RANBP2: variants seen among roughly 807,000 people sequenced by gnomAD.
RANBP2 encodes the protein RAN binding protein 2, also known as E3 SUMO-protein ligase RanBP2.
A neutral mutation model predicts 303.6 loss-of-function variants in RANBP2; 57 were observed. That is an observed-to-expected ratio of 0.19 (90% CI 0.15 to 0.23). The LOEUF is 0.23. Ranked by LOEUF, RANBP2 falls within the 10% of genes least tolerant of loss-of-function variation. The pLI is 1.00. For synonymous variants in RANBP2, 1,167 were observed against 1,301.5 expected, an observed-to-expected ratio of 0.90 and a Z score of 2.23; for missense variants, 3,138 against 3,780.8, an observed-to-expected ratio of 0.83 and a Z score of 4.46.
the RANBP2 span, among the ~76,000 whole-genome samples, chr2:109,091,636 C>T: frequency 6.6e-6 from 1 of 152,204 alleles, no homozygotes; most frequent in Non-Finnish European, 1.5e-5. Flanking sequence ...GCCCCTGTGG[C>T]TACCTGCCCA....
chr2:109,152,349 A>C, the RANBP2 span, among the ~76,000 whole-genome samples: 2 of 152,182 alleles, frequency 1.3e-5, no homozygotes, highest in South Asian at 2.1e-4. Context: ...TCCCTGGTGC[A>C]TTTGGCAAAT....
At chr2:108,941,583 G>A in the RANBP2 span, among the ~76,000 whole-genome samples, 113 of 152,324 alleles carry the variant, frequency 7.4e-4, no homozygotes, top group East Asian at 0.012. Flanking sequence ...TGGGGGCATG[G>A]CCAACAGGGA....
chr2:109,521,229 A>G, the RANBP2 span, among the ~76,000 whole-genome samples: 1 of 152,154 alleles, frequency 6.6e-6, no homozygotes, highest in East Asian at 1.9e-4. Flanking sequence ...AAAAAAAAAA[A>G]AAGAATTATG....
the RANBP2 span, among the ~76,000 whole-genome samples, chr2:109,164,924 C>T: frequency 2.0e-5 from 3 of 152,210 alleles, no homozygotes; most frequent in African/African-American, 7.2e-5. Context: ...ACAACTGGAC[C>T]ATTGCAAATA....
At chr2:109,735,809 CTCAGTGAAGTTTGAAACTCTGCCT>C in the RANBP2 span, among the ~76,000 whole-genome samples, 17 of 152,094 alleles carry the variant, frequency 1.1e-4, no homozygotes, top group Non-Finnish European at 1.9e-4. Context: ...CAACTGATGC[CTCAGTGAAGTTTGAAACTCTGCCT>C]TCAGTGAAGG....
chr2:109,092,561 T>A, the RANBP2 span, among the ~76,000 whole-genome samples: 2 of 152,224 alleles, frequency 1.3e-5, no homozygotes, highest in Non-Finnish European at 2.9e-5. Context: ...AAGGGTGATT[T>A]TCTTTTGTAA....
chr2:108,858,186 A>C, the RANBP2 span, among the ~76,000 whole-genome samples: 1 of 152,206 alleles, frequency 6.6e-6, no homozygotes, highest in South Asian at 2.1e-4. Flanking sequence ...TGTACTAAAA[A>C]TATAAAAATT....
At chr2:109,232,683 C>G in the RANBP2 span, among the ~76,000 whole-genome samples, 1 of 152,068 alleles carries the variant, frequency 6.6e-6, no homozygotes, top group Non-Finnish European at 1.5e-5. Flanking sequence ...GTGGGATCAT[C>G]CAAAGCAAAG....
chr2:109,139,466 C>T, the RANBP2 span, among the ~76,000 whole-genome samples: 1 of 152,208 alleles, frequency 6.6e-6, no homozygotes, highest in Non-Finnish European at 1.5e-5. Context: ...CTCTTGTATC[C>T]TGAGCGGCAT....
At chr2:109,470,631 G>C in the RANBP2 span, among the ~76,000 whole-genome samples, 1 of 152,230 alleles carries the variant, frequency 6.6e-6, no homozygotes, top group Non-Finnish European at 1.5e-5. Context: ...CCCTGGACTG[G>C]CTCTGACAGT....
the RANBP2 span, among the ~76,000 whole-genome samples, chr2:109,300,970 C>T: frequency 9.2e-3 from 1,402 of 152,312 alleles, 28 homozygotes; most frequent in African/African-American, 0.032. Flanking sequence ...ATGCTGGTGC[C>T]GACTAGCCTT....
the RANBP2 span, among the ~76,000 whole-genome samples, chr2:109,112,344 ATC>A: frequency 1.3e-5 from 2 of 151,664 alleles, no homozygotes; most frequent in African/African-American, 4.8e-5. Flanking sequence ...GTGAGATGGT[ATC>A]TCATTGTGGT....
At chr2:109,489,982 C>T in the RANBP2 span, among the ~76,000 whole-genome samples, 1 of 152,212 alleles carries the variant, frequency 6.6e-6, no homozygotes, top group Non-Finnish European at 1.5e-5. Flanking sequence ...AAGTGATCTG[C>T]CCACCTTGGC....
chr2:109,565,601 GAGGCTCTACACGGCCTCCAGACTT>G, the RANBP2 span, among the ~76,000 whole-genome samples: 1 of 152,004 alleles, frequency 6.6e-6, no homozygotes, highest in Non-Finnish European at 1.5e-5. Context: ...TGAGAAGTGG[GAGGCTCTACACGGCCTCCAGACTT>G]TGGCTAAAAT....
chr2:109,350,628 C>T, the RANBP2 span, among the ~76,000 whole-genome samples: 1 of 152,240 alleles, frequency 6.6e-6, no homozygotes. Flanking sequence ...ACATGGGCAA[C>T]TCCATGTGAC....
chr2:109,103,355 T>C, the RANBP2 span, among the ~76,000 whole-genome samples: 1 of 152,254 alleles, frequency 6.6e-6, no homozygotes, highest in African/African-American at 2.4e-5. Context: ...ATACCTCATA[T>C]GTATTGATTG....
the RANBP2 span, among the ~76,000 whole-genome samples, chr2:109,678,337 G>T: frequency 6.6e-6 from 1 of 152,228 alleles, no homozygotes; most frequent in South Asian, 2.1e-4. Flanking sequence ...TAGGAGGATT[G>T]CCAAGAGTTC....
chr2:109,117,689 C>T, the RANBP2 span, among the ~76,000 whole-genome samples: 1 of 152,196 alleles, frequency 6.6e-6, no homozygotes, highest in Non-Finnish European at 1.5e-5. Flanking sequence ...GAACCCGGTA[C>T]CTCAGATGGA....
the RANBP2 span, among the ~76,000 whole-genome samples, chr2:109,061,826 G>A: frequency 2.0e-5 from 3 of 152,134 alleles, no homozygotes; most frequent in Non-Finnish European, 2.9e-5. Context: ...CCGTGGACTT[G>A]TTTCCCTTTG....
Sources: allele counts gnomAD v4.1 joint callset (sites outside exome capture counted in the v4.1 genomes callset), GRCh38; gene constraint gnomAD v4.1.1; transcripts MANE v1.5; gene names NCBI Gene and HGNC (gene_info 2026-07-23, HGNC 2026-07-21).